The following RBPJL variants were observed in gnomAD, a reference collection of about 807,000 sequenced individuals.
RBPJL encodes the protein recombining binding protein suppressor of hairless-like protein.
Under a neutral mutation model 57.6 loss-of-function variants are expected in RBPJL, and 50 were observed. That is an observed-to-expected ratio of 0.87 (90% CI 0.69 to 1.10). The LOEUF (loss-of-function observed/expected upper bound fraction) is 1.10. Ranked by LOEUF, RBPJL falls within the 50% of genes least tolerant of loss-of-function variation. The probability of loss-of-function intolerance (pLI) is 0.00; values close to 1 mark genes in which losing one functional copy is unlikely to be tolerated. For missense variants in RBPJL, 684 were observed against 693.7 expected (o/e 0.99, Z 0.16); for synonymous variants, 303 against 294.4 (o/e 1.03, Z -0.30).
intron 6 of RBPJL, 53 bp downstream of exon 6, chr20:45,312,448 C>A (rs1310394499): frequency 2.6e-6 from 4 of 1,567,596 alleles, no homozygotes; most frequent in Non-Finnish European, 3.5e-6. Context: ...GCAACCAAGC[C>A]CAGAACGGCT....
chr20:45,315,755 G>T (rs542498155), intron 9 of RBPJL, among the ~76,000 whole-genome samples: 106 of 143,074 alleles, frequency 7.4e-4, no homozygotes, highest in Middle Eastern at 3.4e-3. Context: ...AAAAAAAAAG[G>T]AAGAAAGGAA....
chr20:45,313,673 A>G (rs1316758623), intron 7 of RBPJL, 68 bp downstream of exon 7: 2 of 1,436,550 alleles, frequency 1.4e-6, no homozygotes, highest in African/African-American at 1.4e-5. Flanking sequence ...CTCCACCACA[A>G]CTCCTTAAGG....
intron 7 of RBPJL, 129 bp downstream of exon 7, chr20:45,313,734 G>GACT (rs1433727885): frequency 1.5e-5 from 15 of 969,016 alleles, no homozygotes; most frequent in Non-Finnish European, 3.0e-6. Context: ...AAAAAGACTT[G>GACT]ACTACAGTCC....
At chr20:45,308,450 G>A in intron 2 of RBPJL, 199 bp downstream of exon 2, 2 of 578,698 alleles carry the variant, frequency 3.5e-6, no homozygotes, top group Non-Finnish European at 6.2e-6. Context: ...ACCACGCTTG[G>A]AGCTGCAGAC....
Position 45,313,524 on chromosome 20 carries a change from G to A in RBPJL, c.676G>A (p.Val226Ile). ...SLFNRLRSQT[V>I]STRYLSVEDG... ...CTTCAACCGCCTGCGCTCTCAGACG[G>A]TCTCCACACGCTACCTCTCTGTGGA... Residue 226 changes from valine (V) to isoleucine (I), a missense_variant, in exon 7 of 12, where the codon GTC becomes ATC. Physicochemically the swap from Val to Ile is conservative, Grantham distance 29. Coordinates refer to ENST00000343694, the MANE Select transcript of RBPJL (RefSeq NM_014276.4). 1.2e-5 allele frequency: 19 copies of A among 1,613,976 alleles called. No homozygotes were observed. Among genetic ancestry groups the A allele is most frequent in the Non-Finnish European group, 1.5e-5 (18 of 1,179,956 alleles).
intron 4 of RBPJL, 41 bp downstream of exon 4, chr20:45,311,700 G>C: frequency 6.2e-7 from 1 of 1,607,194 alleles, no homozygotes; most frequent in Non-Finnish European, 8.5e-7. Flanking sequence ...CTGCTCTGTA[G>C]GGAGGACCAC....
Position 45,316,971 on chromosome 20 carries a change from A to G in RBPJL, c.*12A>G. ...TCATCCAGACTTAGGCGCGCCCGGT[A>G]GCCCCGGCTGCCCACCCTGGAGGGC... On this transcript the variant is annotated 3_prime_UTR_variant, in exon 12 of 12. Coordinates refer to ENST00000343694, the MANE Select transcript of RBPJL (RefSeq NM_014276.4). The G allele has an allele frequency of 6.2e-7, 1 of 1,605,320 alleles. No individual in the cohort carries two copies. The highest frequency in any genetic ancestry group is 8.5e-7 in the Non-Finnish European group (1 of 1,174,006).
At chr20:45,311,474 G>T in intron 3 of RBPJL, 115 bp from the exon 4 acceptor site, 4 of 910,146 alleles carry the variant, frequency 4.4e-6, no homozygotes, top group South Asian at 3.0e-5. Flanking sequence ...AAGCGTTGCG[G>T]GGAGCGGGAG....
rs533607049 is a variant in RBPJL, at chr20:45,309,119, C to T, written c.132-448C>T. Among the ~76,000 whole-genome samples, 8 of 152,084 alleles carry T rather than the reference C, an allele frequency of 5.3e-5. No individual in the cohort carries two copies. The East Asian group carries it at 1.6e-3, about 30-fold the overall frequency. ...GAGCCCAGGAAAGGCTCTCCCTTCCCCTCCCTCCTCACCCCCCACCCTGCC... is the reference window on the plus strand; with the variant it reads ...GAGCCCAGGAAAGGCTCTCCCTTCCTCTCCCTCCTCACCCCCCACCCTGCC... On this transcript the variant is annotated intron_variant, in intron 2 of 11. Coordinates refer to ENST00000343694, the MANE Select transcript of RBPJL (RefSeq NM_014276.4).
intron 3 of RBPJL, among the ~76,000 whole-genome samples, chr20:45,310,539 G>A (rs779345403): frequency 6.6e-6 from 1 of 151,938 alleles, no homozygotes; most frequent in Non-Finnish European, 1.5e-5. Flanking sequence ...CCCGGGAGGC[G>A]GAGGTTGCAG....
In RBPJL at chr20:45,313,619, C is replaced by G; in HGVS notation, c.757+14C>G. On this transcript the variant is annotated intron_variant, in intron 7 of 11. Coordinates refer to ENST00000343694, the MANE Select transcript of RBPJL (RefSeq NM_014276.4). The stretch of plus-strand genomic sequence containing the variant: ...CGCTCCACCTGGGTAATGACATCTG[C>G]AGGCCCTGGAGCTGGGCACTTCACA... 2 of 1,596,148 alleles carry G rather than the reference C, an allele frequency of 1.3e-6. No homozygotes were observed. The highest frequency in any genetic ancestry group is 1.7e-6 in the Non-Finnish European group (2 of 1,170,234).
In RBPJL at chr20:45,308,210, G is replaced by C. The variant is rs757087777; in HGVS notation, c.90G>C (p.Gln30His). 5.6e-6 allele frequency: 9 copies of C among 1,614,120 alleles called. No individual in the cohort carries two copies. In the Middle Eastern group the frequency reaches 6.6e-4, roughly 118 times the overall value. Reference protein sequence around the residue: ...SLQDRSEMQLQSEADRRSLPG... With the variant: ...SLQDRSEMQLHSEADRRSLPG... ...AGGACAGATCAGAGATGCAGCTGCA[G>C]AGCGAAGCCGACAGGCGGAGCCTCC... is the stretch of plus-strand genomic sequence containing the variant. Residue 30 changes from glutamine (Q) to histidine (H), a missense_variant, in exon 2 of 12, where the codon CAG becomes CAC. By Grantham distance (24) the Gln-to-His change is conservative. Coordinates refer to ENST00000343694, the MANE Select transcript of RBPJL (RefSeq NM_014276.4).
rs147080248 is a variant in RBPJL, at chr20:45,315,943, G to A, written c.1021-244G>A. 2.3e-4 allele frequency: 92 copies of A among 393,156 alleles called. No homozygotes were observed. The East Asian group carries it at 3.0e-3, about 13-fold the overall frequency. The allele number at this position is 393,156 out of a possible 1,614,324, so 24.4% of individuals were successfully genotyped here. ...GGAAAGAAAAAGAAAAGGAAGGAAG[G>A]AAGGAAAATAAAGAAAAAAGAAAGA... On this transcript the variant is annotated intron_variant, in intron 9 of 11. Coordinates refer to ENST00000343694, the MANE Select transcript of RBPJL (RefSeq NM_014276.4).
rs1987197093 is a variant in RBPJL, at chr20:45,311,945, G to A, written c.435G>A (p.Pro145=). Reference sequence around the variant, plus strand: ...AGAAGCTGAATTTCGAGCAGCAGCCGGACTCCAGGGTGAGAGCGCACGGGA... The same window carrying A: ...AGAAGCTGAATTTCGAGCAGCAGCCAGACTCCAGGGTGAGAGCGCACGGGA... The part of the protein sequence containing the change: ...ETQKLNFEQQ[P]DSREFGCAKT... The change falls in exon 5 of 12, where the codon CCG becomes CCA. Residue 145 remains proline, a synonymous_variant. Coordinates refer to ENST00000343694, the MANE Select transcript of RBPJL (RefSeq NM_014276.4). 3 of 1,550,614 alleles carry A rather than the reference G, an allele frequency of 1.9e-6. No individual in the cohort carries two copies. Among genetic ancestry groups the A allele is most frequent in the East Asian group, 4.9e-5 (2 of 40,928 alleles).
At chr20:45,315,202 CAGAATGTGGAAAATTAT>C (rs1478783752) in intron 9 of RBPJL, among the ~76,000 whole-genome samples, 3 of 152,162 alleles carry the variant, frequency 2.0e-5, no homozygotes, top group African/African-American at 7.2e-5. Flanking sequence ...GATAAAGACA[CAGAATGTGGAAAATTAT>C]AGAATGTGGA....
chr20:45,316,606 T>C, intron 11 of RBPJL, 26 bp downstream of exon 11: 1 of 1,517,940 alleles, frequency 6.6e-7, no homozygotes, highest in Non-Finnish European at 8.8e-7. Context: ...GCAGCCTCTC[T>C]TGGGCCCCGG....
intron 1 of RBPJL, among the ~76,000 whole-genome samples, chr20:45,307,915 C>A (rs1986875938): frequency 6.6e-6 from 1 of 151,918 alleles, no homozygotes; most frequent in South Asian, 2.1e-4. Flanking sequence ...GGAGGAGAGG[C>A]CTGTAAATAA....
intron 9 of RBPJL, among the ~76,000 whole-genome samples, chr20:45,315,401 T>TAA (rs35967905): frequency 6.8e-6 from 1 of 146,768 alleles, no homozygotes; most frequent in East Asian, 2.0e-4. Flanking sequence ...TGCACAATGT[T>TAA]AAAAAAAAAA....
chr20:45,313,401 T>TA, intron 6 of RBPJL, 67 bp from the exon 7 acceptor site: 2 of 1,341,052 alleles, frequency 1.5e-6, no homozygotes, highest in Non-Finnish European at 2.0e-6. Context: ...ATCCTAACCC[T>TA]AACCCTATCC....
Sources: gnomAD v4.1 joint callset for allele counts (sites outside exome capture counted in the v4.1 genomes callset) on GRCh38, gnomAD v4.1.1 for gene constraint, MANE v1.5 for transcripts, NCBI Gene and HGNC (gene_info 2026-07-23, HGNC 2026-07-21) for gene names.